RRAGC: variants seen among roughly 807,000 people sequenced by gnomAD.
RRAGC encodes Ras related GTP binding C.
In RRAGC, 8 loss-of-function variants were observed where a neutral mutation model predicts 37.1. That is an observed-to-expected ratio of 0.22 (90% CI 0.13 to 0.39). The LOEUF (loss-of-function observed/expected upper bound fraction) is 0.39, where lower values mean the gene tolerates loss of function less well. Among genes scored for constraint, RRAGC ranks in the 10% least tolerant of loss-of-function variants. RRAGC has a pLI of 1.00. For missense variants in RRAGC, 342 were observed against 497.6 expected (o/e 0.69, Z 2.98); for synonymous variants, 190 against 181.1 (o/e 1.05, Z -0.39).
At chr1:38,849,591 G>A (rs1642071316) in intron 5 of RRAGC, among the ~76,000 whole-genome samples, 1 of 151,912 alleles carries the variant, frequency 6.6e-6, no homozygotes, top group Admixed American at 6.5e-5. Context: ...GGGAGGCTGA[G>A]GCAGGAGAAC....
intron 6 of RRAGC, among the ~76,000 whole-genome samples, chr1:38,844,446 A>AG (rs1352009583): frequency 7.0e-6 from 1 of 143,686 alleles, no homozygotes; most frequent in Admixed American, 7.0e-5. Flanking sequence ...AACAGGACTG[A>AG]GGAAAAAAAA....
At position 38,857,000 on chromosome 1, in the gene RRAGC, C is replaced by A; in HGVS notation, c.320G>T (p.Ser107Ile). The stretch of plus-strand genomic sequence containing the variant: ...CCATATCTGGAAATTCACAAAGGAG[C>A]TATTGGAAATGTCATCCTTATAAAT... ...NKIYKDDISN[S>I]SFVNFQIWDF... The change falls in exon 2 of 7, where the codon AGC (serine) becomes ATC (isoleucine). Residue 107 changes from serine (S) to isoleucine (I), a missense_variant. Ser to Ile is a moderately radical substitution (Grantham distance 142). Around this residue, in one of 3 missense-constraint regions of RRAGC, gnomAD observed 134 missense variants for 277.2 expected, o/e 0.48. Coordinates refer to ENST00000373001, the MANE Select transcript of RRAGC (RefSeq NM_022157.4). 4.3e-6 allele frequency: 7 copies of A among 1,613,920 alleles called. No individual in the cohort carries two copies. The highest frequency in any genetic ancestry group is 5.9e-6 in the Non-Finnish European group (7 of 1,179,858).
rs183538016 is a variant in RRAGC at position 38,841,865 on chromosome 1, G to A, written c.1049-2161C>T. 3.0e-3 allele frequency among the ~76,000 whole-genome samples: 458 copies of A among 152,198 alleles called. 4 individuals are homozygous for A. Among genetic ancestry groups the A allele is most frequent in the African/African-American group, 0.011 (442 of 41,536 alleles). On this transcript the variant is annotated intron_variant, in intron 6 of 6. Coordinates refer to ENST00000373001, the MANE Select transcript of RRAGC (RefSeq NM_022157.4). ...AAATAAACTAACATAGGCTGGGCGC[G>A]GTGGCTCACGCCTATAATCCCAGCG...
chr1:38,855,638 T>C (rs1570870625), intron 3 of RRAGC, 70 bp downstream of exon 3: 1 of 1,222,426 alleles, frequency 8.2e-7, no homozygotes, highest in Non-Finnish European at 1.2e-6. Context: ...CTATGGTGTT[T>C]GTAATGACAG....
At chr1:38,844,141 T>C (rs1642000143) in intron 6 of RRAGC, among the ~76,000 whole-genome samples, 1 of 151,826 alleles carries the variant, frequency 6.6e-6, no homozygotes, top group South Asian at 2.1e-4. Context: ...AACTACAAGG[T>C]ATCTACACTT....
chr1:38,839,941 T>G (rs1641944052), intron 6 of RRAGC, among the ~76,000 whole-genome samples: 1 of 151,744 alleles, frequency 6.6e-6, no homozygotes, highest in African/African-American at 2.4e-5. Context: ...GGTCAGGAGA[T>G]CAAGACCATC....
At chr1:38,858,829 G>C (rs1642198692) in intron 1 of RRAGC, among the ~76,000 whole-genome samples, 1 of 152,220 alleles carries the variant, frequency 6.6e-6, no homozygotes, top group African/African-American at 2.4e-5. Context: ...CCCCTACAGG[G>C]GGAACAGCAC....
At chr1:38,852,033 A>C (rs190254431) in intron 4 of RRAGC, among the ~76,000 whole-genome samples, 39 of 152,350 alleles carry the variant, frequency 2.6e-4, no homozygotes, top group African/African-American at 8.9e-4. Context: ...ATCACAAAAA[A>C]TTTAACAAAA....
intron 6 of RRAGC, among the ~76,000 whole-genome samples, chr1:38,845,088 C>G (rs574909619): frequency 1.3e-5 from 2 of 152,248 alleles, no homozygotes; most frequent in East Asian, 3.9e-4. Flanking sequence ...AGATCTAGAA[C>G]CAGAAATACC....
chr1:38,839,846 G>T (rs191003691), intron 6 of RRAGC, 142 bp from the exon 7 acceptor site: 6 of 805,338 alleles, frequency 7.5e-6, no homozygotes, highest in East Asian at 2.7e-5. Flanking sequence ...TTCTTCAATC[G>T]TAAGAACAGC....
chr1:38,839,393 G>C lies in RRAGC; in HGVS notation c.*160C>G, dbSNP rs1454452061. ...TAGTAGCTTCAGTTGTACACCACCA[G>C]TTGAAGGGGTTTTCATCCAAATGAG... On this transcript the variant is annotated 3_prime_UTR_variant, in exon 7 of 7. Coordinates refer to ENST00000373001, the MANE Select transcript of RRAGC (RefSeq NM_022157.4). The C allele has an allele frequency of 5.0e-6, 3 of 596,242 alleles. No homozygotes were observed. Among genetic ancestry groups the C allele is most frequent in the Non-Finnish European group, 5.6e-6 (2 of 356,716 alleles). The allele number at this position is 596,242 out of a possible 1,614,324, so 36.9% of individuals were successfully genotyped here.
intron 2 of RRAGC, chr1:38,856,608 T>C (rs899791854): frequency 3.5e-6 from 1 of 282,756 alleles, no homozygotes; most frequent in Non-Finnish European, 6.5e-6. Context: ...TATTATAAAA[T>C]ATGGCAACCA....
intron 1 of RRAGC, among the ~76,000 whole-genome samples, chr1:38,859,166 CG>C (rs1642203245): frequency 6.6e-6 from 1 of 152,256 alleles, no homozygotes; most frequent in African/African-American, 2.4e-5. Context: ...GCGGTGCCAC[CG>C]GGCACCTGCC....
rs143276503 is a variant in RRAGC at position 38,850,691 on chromosome 1, T to C, written c.899+924A>G. Reference sequence around the variant, plus strand: ...CAGAGTCAGAGGTGAAAGAGATATTTAGACTAGATGGAGCAGAGAGAAGAC... The same window carrying C: ...CAGAGTCAGAGGTGAAAGAGATATTCAGACTAGATGGAGCAGAGAGAAGAC... On this transcript the variant is annotated intron_variant, in intron 5 of 6. Transcript: ENST00000373001. Among the ~76,000 whole-genome samples the C allele has an allele frequency of 9.2e-5, 14 of 152,168 alleles. No homozygotes were observed. The East Asian group carries it at 2.5e-3, about 27-fold the overall frequency.
Position 38,838,268 on chromosome 1 carries a change from A to G in RRAGC, c.*1285T>C, listed in dbSNP as rs574798233. Reference sequence around the variant, plus strand: ...AATGAAATAATCTATAAATATAAAAAGCATTTTTCTTTTGGATATCACCAT... The same window carrying G: ...AATGAAATAATCTATAAATATAAAAGGCATTTTTCTTTTGGATATCACCAT... On this transcript the variant is annotated 3_prime_UTR_variant, in exon 7 of 7. Transcript: ENST00000373001. The G allele has an allele frequency of 1.3e-5, 2 of 152,358 alleles. No homozygotes were observed. Among genetic ancestry groups the G allele is most frequent in the South Asian group, 2.1e-4 (1 of 4,828 alleles). 9.4% of individuals were successfully genotyped at this position (152,358 alleles called of 1,614,324 possible).
In RRAGC at chr1:38,859,656, G is replaced by A. The variant is rs748987561; in HGVS notation, c.-10C>T. On this transcript the variant is annotated 5_prime_UTR_variant, in exon 1 of 7. Transcript: ENST00000373001. ...CGTACTGCAGGGACATGGTGCTGGA[G>A]CCGCCGCCGCCCGCGCCCTGACAGG... The A allele has an allele frequency of 3.9e-6, 6 of 1,536,296 alleles. No homozygotes were observed. Among genetic ancestry groups the A allele is most frequent in the Non-Finnish European group, 5.3e-6 (6 of 1,141,956 alleles).
chr1:38,854,693 AT>A (rs1462411623), intron 3 of RRAGC, among the ~76,000 whole-genome samples: 1 of 152,232 alleles, frequency 6.6e-6, no homozygotes, highest in Admixed American at 6.5e-5. Context: ...TTATTTAGAA[AT>A]TTAATCCAGG....
chr1:38,845,870 T>A, intron 6 of RRAGC, 69 bp downstream of exon 6: 3 of 1,341,378 alleles, frequency 2.2e-6, no homozygotes, highest in Non-Finnish European at 3.1e-6. Context: ...TATTTTCACT[T>A]GTTTTCAAGA....
intron 3 of RRAGC, among the ~76,000 whole-genome samples, chr1:38,854,360 T>C (rs1164219440): frequency 2.0e-5 from 3 of 152,212 alleles, no homozygotes; most frequent in Admixed American, 6.5e-5. Context: ...TAAGCCACTA[T>C]GCCTGGCCTA....
Sources: gnomAD v4.1 joint callset for allele counts (sites outside exome capture counted in the v4.1 genomes callset) on GRCh38, gnomAD v4.1.1 for gene constraint, gnomAD v4.1.1 regional missense constraint, MANE v1.5 for transcripts, NCBI Gene and HGNC (gene_info 2026-07-23, HGNC 2026-07-21) for gene names.